RYR3: variants seen among roughly 807,000 people sequenced by gnomAD.
The protein encoded by RYR3 is brain ryanodine receptor-calcium release channel.
RYR3 carries 207 observed loss-of-function variants against 584.3 expected under a neutral mutation model. The ratio of observed to expected loss-of-function variants is 0.35; its 90% CI spans 0.32 to 0.40. The LOEUF (loss-of-function observed/expected upper bound fraction) is 0.40. Ranked by LOEUF, RYR3 falls within the 10% of genes least tolerant of loss-of-function variation. RYR3 has a pLI of 1.00. For missense variants in RYR3, 5,616 were observed against 6,089.2 expected (o/e 0.92, Z 2.59); for synonymous variants, 2,416 against 2,248.5 (o/e 1.07, Z -2.11).
intron 1 of RYR3, among the ~76,000 whole-genome samples, chr15:33,424,632 C>G (rs1164831418): frequency 2.0e-5 from 3 of 152,108 alleles, no homozygotes; most frequent in Non-Finnish European, 4.4e-5. Flanking sequence ...TTCTCTGAAG[C>G]CTATAAAAAG....
At position 33,412,459 on chromosome 15, in the gene RYR3, A is replaced by G. The variant is rs932323329; in HGVS notation, c.52-60960A>G. ...GTGGTGATATGTGGATTTCCATCAA[A>G]TAATTTGGTTGTCACCAGTAGGATC... On this transcript the variant is annotated intron_variant, in intron 1 of 103. Coordinates refer to ENST00000634891, the MANE Select transcript of RYR3 (RefSeq NM_001036.6). This position sits in a 1 kb window ranked among gnomAD's most constrained non-coding sequence, Gnocchi z 4.3. Among the ~76,000 whole-genome samples the G allele has an allele frequency of 2.0e-5, 3 of 152,174 alleles. No individual in the cohort carries two copies. Among genetic ancestry groups the G allele is most frequent in the African/African-American group, 7.2e-5 (3 of 41,434 alleles).
At chr15:33,806,456 G>A (rs1172981914) in intron 69 of RYR3, among the ~76,000 whole-genome samples, 6 of 151,492 alleles carry the variant, frequency 4.0e-5, no homozygotes, top group Non-Finnish European at 8.8e-5. Flanking sequence ...AGTTCAATAC[G>A]AGCCTGGGCA....
At chr15:33,850,365 G>C (rs943888142) in intron 94 of RYR3, 5 of 149,862 alleles carry the variant, frequency 3.3e-5, no homozygotes, top group African/African-American at 1.2e-4. Context: ...CTGGGCGACA[G>C]AGCAAGACTT....
chr15:33,771,574 TC>T lies in RYR3; in HGVS notation c.8817-345del, dbSNP rs151034271. Among the ~76,000 whole-genome samples, 827 of 152,154 alleles carry T rather than the reference TC, an allele frequency of 5.4e-3. 8 individuals are homozygous for T. Among genetic ancestry groups the T allele is most frequent in the African/African-American group, 0.019 (798 of 41,518 alleles). On this transcript the variant is annotated intron_variant, in intron 62 of 103. Transcript: ENST00000634891. ...TTTATCCCACAACTTTTCTTAAAGCTCATTTCCCTGTTCTTTTAACTAGATC... is the reference window on the plus strand; with the variant it reads ...TTTATCCCACAACTTTTCTTAAAGCTATTTCCCTGTTCTTTTAACTAGATC...
Position 33,859,736 on chromosome 15 carries a change from G to C in RYR3, c.14299+5G>C. ...TCTTGCTGGCCATCATTCAAGGTAT[G>C]ATTGCCAATTGTGTTGAGTATGAAC... On this transcript the variant is annotated splice_donor_5th_base_variant and intron_variant, in intron 100 of 103. Transcript: ENST00000634891. 1 of 1,603,898 alleles carries C rather than the reference G, an allele frequency of 6.2e-7. No individual in the cohort carries two copies. Among genetic ancestry groups the C allele is most frequent in the Non-Finnish European group, 8.5e-7 (1 of 1,174,332 alleles).
chr15:33,772,218 A>G (rs906776846), intron 63 of RYR3, 60 bp downstream of exon 63: 160 of 1,078,406 alleles, frequency 1.5e-4, no homozygotes, highest in Non-Finnish European at 7.2e-5. Context: ...TAGGAGGTGC[A>G]GGGCCCATTC....
chr15:33,579,751 C>T (rs796980228), intron 12 of RYR3, among the ~76,000 whole-genome samples: 16 of 152,292 alleles, frequency 1.1e-4, no homozygotes, highest in African/African-American at 3.8e-4. Flanking sequence ...TAAAAGGAGT[C>T]ACTTCCCTTT....
At chr15:33,453,049 C>T (rs559336324) in intron 1 of RYR3, among the ~76,000 whole-genome samples, 4 of 96,968 alleles carry the variant, frequency 4.1e-5, no homozygotes, top group African/African-American at 7.3e-5. Context: ...AGGTTTGCTG[C>T]ACTTGAAACT....
intron 97 of RYR3, 77 bp from the exon 98 acceptor site, chr15:33,854,689 A>C (rs1328663264): frequency 1.3e-6 from 2 of 1,526,454 alleles, no homozygotes; most frequent in East Asian, 4.5e-5. Context: ...TGTGTCTCCC[A>C]AAATAAGAAA....
chr15:33,509,072 A>T (rs1225761532), intron 3 of RYR3, among the ~76,000 whole-genome samples: 1 of 152,204 alleles, frequency 6.6e-6, no homozygotes, highest in Non-Finnish European at 1.5e-5. Context: ...CAGGTTCAGG[A>T]CATTCATTCA....
chr15:33,710,026 T>C (rs551295032), intron 43 of RYR3, among the ~76,000 whole-genome samples: 1 of 152,188 alleles, frequency 6.6e-6, no homozygotes, highest in Non-Finnish European at 1.5e-5. Context: ...TAAATTATTA[T>C]GGTGTTGGTA....
intron 3 of RYR3, among the ~76,000 whole-genome samples, chr15:33,529,329 C>T (rs2054654190): frequency 6.6e-6 from 1 of 152,128 alleles, no homozygotes; most frequent in Non-Finnish European, 1.5e-5. Context: ...CATTATGTGA[C>T]ATGAAAAATC....
At chr15:33,771,885 T>A in intron 62 of RYR3, 35 bp from the exon 63 acceptor site, 1 of 1,518,206 alleles carries the variant, frequency 6.6e-7, no homozygotes, top group South Asian at 1.2e-5. Flanking sequence ...AAAGTTCAGA[T>A]TATGCTTCTA....
intron 1 of RYR3, among the ~76,000 whole-genome samples, chr15:33,428,899 A>G (rs1298434760): frequency 6.6e-6 from 1 of 152,216 alleles, no homozygotes; most frequent in Non-Finnish European, 1.5e-5. Context: ...CAGGTCCCCA[A>G]GTGTGACTTG....
intron 80 of RYR3, 59 bp from the exon 81 acceptor site, chr15:33,822,937 G>A: frequency 7.1e-7 from 1 of 1,406,204 alleles, no homozygotes; most frequent in South Asian, 1.2e-5. Context: ...GGATTAGGAG[G>A]GTCAGCTCTG....
Position 33,785,985 on chromosome 15 carries a change from A to G in RYR3, c.9589+3A>G, listed in dbSNP as rs754986945. On this transcript the variant is annotated splice_donor_region_variant and intron_variant, in intron 66 of 103. Coordinates refer to ENST00000634891, the MANE Select transcript of RYR3 (RefSeq NM_001036.6). ...CTCCTGGATGAAGCGCATTGCAGGT[A>G]CCGACCCCTTTCTCCCCAGTCCCCA... 6.5e-7 allele frequency: 1 copy of G among 1,549,446 alleles called. No homozygotes were observed. The highest frequency in any genetic ancestry group is 8.7e-7 in the Non-Finnish European group (1 of 1,144,780).
chr15:33,631,134 C>A, intron 22 of RYR3, 76 bp from the exon 23 acceptor site: 1 of 905,174 alleles, frequency 1.1e-6, no homozygotes, highest in Non-Finnish European at 1.7e-6. Context: ...CTGTTTTCAA[C>A]TCGGATGTGA....
rs367640896 is a variant in RYR3, at chr15:33,819,813, C to A, written c.10758+6C>A. 6.3e-7 allele frequency: 1 copy of A among 1,585,958 alleles called. No homozygotes were observed. Among genetic ancestry groups the A allele is most frequent in the Non-Finnish European group, 8.6e-7 (1 of 1,163,238 alleles). The stretch of plus-strand genomic sequence containing the variant: ...ATTCCAGCATGATGGCCAAGGTACA[C>A]CCAGGTTTTCTGCCCATTGTCTCTG... On this transcript the variant is annotated splice_donor_region_variant and intron_variant, in intron 77 of 103. Coordinates refer to ENST00000634891, the MANE Select transcript of RYR3 (RefSeq NM_001036.6).
At chr15:33,419,674 T>C (rs985540491) in intron 1 of RYR3, among the ~76,000 whole-genome samples, 2 of 152,164 alleles carry the variant, frequency 1.3e-5, no homozygotes, top group African/African-American at 2.4e-5. Flanking sequence ...ATTTTCTTTA[T>C]CTCTAAAACT....
Sources: gnomAD v4.1 joint callset for allele counts (sites outside exome capture counted in the v4.1 genomes callset) on GRCh38, gnomAD v4.1.1 for gene constraint, Gnocchi (gnomAD v3.1) non-coding constraint, MANE v1.5 for transcripts, NCBI Gene and HGNC (gene_info 2026-07-23, HGNC 2026-07-21) for gene names.